The following SPATA31H1 variants were observed in gnomAD, a reference collection of about 807,000 sequenced individuals.
The protein encoded by SPATA31H1 is spermatogenesis-associated protein 31H1.
chr2:27,580,152 A>G, the SPATA31H1 span: 8 of 1,614,210 alleles, frequency 5.0e-6, no homozygotes, highest in African/African-American at 2.7e-5. Context: ...GAGAAGCCCT[A>G]TATCACCATC....
At chr2:27,537,506 G>A in the SPATA31H1 span, 2 of 717,212 alleles carry the variant, frequency 2.8e-6, no homozygotes, top group South Asian at 1.5e-5. Flanking sequence ...TTTATTTGGC[G>A]GCTTTGGACA....
chr2:27,580,769 T>C, the SPATA31H1 span: 59 of 1,614,168 alleles, frequency 3.7e-5, no homozygotes, highest in East Asian at 1.6e-4. Context: ...CCAGGGACTA[T>C]TGCTTACCAA....
At chr2:27,542,365 C>A in the SPATA31H1 span, among the ~76,000 whole-genome samples, 1 of 151,808 alleles carries the variant, frequency 6.6e-6, no homozygotes, top group Non-Finnish European at 1.5e-5. Context: ...CCACTGTACT[C>A]CAGCCTGGGT....
the SPATA31H1 span, among the ~76,000 whole-genome samples, chr2:27,556,670 C>T: frequency 3.6e-5 from 5 of 137,730 alleles, no homozygotes; most frequent in African/African-American, 1.3e-4. Context: ...CATCTAATTT[C>T]TTGTATATAT....
chr2:27,543,977 A>G, the SPATA31H1 span, among the ~76,000 whole-genome samples: 1 of 151,940 alleles, frequency 6.6e-6, no homozygotes, highest in African/African-American at 2.4e-5. Context: ...TCAGTCCTGA[A>G]AAACTAAGTC....
At chr2:27,570,598 T>C in the SPATA31H1 span, 2 of 398,930 alleles carry the variant, frequency 5.0e-6, no homozygotes, top group Non-Finnish European at 4.4e-6. Flanking sequence ...GTCAAATGTT[T>C]TGATTTAGTA....
the SPATA31H1 span, chr2:27,577,461 C>T: frequency 6.2e-7 from 1 of 1,614,094 alleles, no homozygotes; most frequent in Non-Finnish European, 8.5e-7. This position sits in a 1 kb window ranked among gnomAD's most constrained non-coding sequence, Gnocchi z 4.5. Context: ...GACCCCAAAG[C>T]CAACAAGTCA....
At chr2:27,537,415 T>G in the SPATA31H1 span, 1 of 716,996 alleles carries the variant, frequency 1.4e-6, no homozygotes, top group Non-Finnish European at 2.6e-6. Flanking sequence ...GAGAAGAGCA[T>G]GGGGTTGAGA....
chr2:27,559,741 A>G, the SPATA31H1 span, among the ~76,000 whole-genome samples: 1 of 151,906 alleles, frequency 6.6e-6, no homozygotes, highest in Non-Finnish European at 1.5e-5. Context: ...AAGCCCATCC[A>G]TTTCAGTACT....
chr2:27,542,835 G>T, the SPATA31H1 span, among the ~76,000 whole-genome samples: 2 of 152,042 alleles, frequency 1.3e-5, no homozygotes, highest in Non-Finnish European at 2.9e-5. Flanking sequence ...GGTGGCTCAT[G>T]CCTGTAATCC....
chr2:27,554,093 C>T, the SPATA31H1 span, among the ~76,000 whole-genome samples: 2 of 151,982 alleles, frequency 1.3e-5, no homozygotes, highest in Non-Finnish European at 2.9e-5. Flanking sequence ...CTCTCTGAGA[C>T]CTCGTCAGAA....
At chr2:27,573,284 G>C in the SPATA31H1 span, 1 of 397,654 alleles carries the variant, frequency 2.5e-6, no homozygotes, top group Non-Finnish European at 4.4e-6. Context: ...CAGAGCCACA[G>C]CTTCAAGGTG....
the SPATA31H1 span, chr2:27,572,088 G>A: frequency 5.0e-6 from 2 of 398,336 alleles, no homozygotes; most frequent in African/African-American, 4.1e-5. Flanking sequence ...AAAATCGGTA[G>A]ACCTCAAGTC....
chr2:27,581,886 A>G, the SPATA31H1 span: 4 of 1,611,634 alleles, frequency 2.5e-6, no homozygotes, highest in South Asian at 4.4e-5. Context: ...TCCCTCTGAG[A>G]GAAGACATCG....
chr2:27,556,089 G>A, the SPATA31H1 span, among the ~76,000 whole-genome samples: 8 of 141,602 alleles, frequency 5.6e-5, no homozygotes, highest in African/African-American at 1.9e-4. Flanking sequence ...CCGAGATCGC[G>A]CCACTGCACT....
At chr2:27,577,504 T>TTAGA in the SPATA31H1 span, 1 of 1,614,098 alleles carries the variant, frequency 6.2e-7, no homozygotes, top group Non-Finnish European at 8.5e-7. This position sits in a 1 kb window ranked among gnomAD's most constrained non-coding sequence, Gnocchi z 4.5. Context: ...TCCCCAAGGC[T>TTAGA]CTGTCCTCAA....
the SPATA31H1 span, among the ~76,000 whole-genome samples, chr2:27,553,622 T>G: frequency 6.6e-6 from 1 of 152,070 alleles, no homozygotes; most frequent in Non-Finnish European, 1.5e-5. Context: ...AAAACTTTAC[T>G]TAGAAATCTC....
At chr2:27,580,777 C>T in the SPATA31H1 span, 1 of 1,614,136 alleles carries the variant, frequency 6.2e-7, no homozygotes, top group Non-Finnish European at 8.5e-7. Context: ...TATTGCTTAC[C>T]AAGCAGTATC....
the SPATA31H1 span, among the ~76,000 whole-genome samples, chr2:27,563,385 C>CTTTTTTTTTTTTTTTT: frequency 3.2e-4 from 22 of 68,730 alleles, 8 homozygotes; most frequent in East Asian, 3.6e-3. Flanking sequence ...TCTTCTACTT[C>CTTTTTTTTTTTTTTTT]TTTTTTTTTT....
Sources: gnomAD v4.1 joint callset for allele counts (sites outside exome capture counted in the v4.1 genomes callset) on GRCh38, gnomAD v4.1.1 for gene constraint, Gnocchi (gnomAD v3.1) non-coding constraint, MANE v1.5 for transcripts, NCBI Gene and HGNC (gene_info 2026-07-23, HGNC 2026-07-21) for gene names.